SLC30A8: variants seen among roughly 807,000 people sequenced by gnomAD.
The protein encoded by SLC30A8 is solute carrier family 30 member 8, also known as proton-coupled zinc antiporter SLC30A8.
Under a neutral mutation model 36.9 loss-of-function variants are expected in SLC30A8, and 27 were observed. The observed-to-expected ratio is 0.73, with a 90% CI of 0.54 to 1.01. The LOEUF is 1.01. SLC30A8 is among the 50% of genes least tolerant of loss of function. The pLI is 0.00. For missense variants in SLC30A8, 439 were observed against 452.0 expected (o/e 0.97, Z 0.26); for synonymous variants, 164 against 172.4 (o/e 0.95, Z 0.38).
At chr8:117,099,216 G>A (rs1283235664) in intron 2 of SLC30A8, among the ~76,000 whole-genome samples, 2 of 151,982 alleles carry the variant, frequency 1.3e-5, no homozygotes, top group Non-Finnish European at 2.9e-5. Flanking sequence ...CTGTCCTGAG[G>A]GCATTTGCAC....
Position 117,135,296 on chromosome 8 carries a change from GACA to G in SLC30A8, c.-25_-23del, listed in dbSNP as rs772990341. 7.1e-6 allele frequency: 11 copies of G among 1,553,028 alleles called. No individual in the cohort carries two copies. Among genetic ancestry groups the G allele is most frequent in the Middle Eastern group, 1.7e-4 (1 of 5,862 alleles). ...ACTGGGCAGTGAGTTCAACAACAAC[GACA>G]ACAACAGCCGCAGCTCATCCTGGCC... On this transcript the variant is annotated 5_prime_UTR_variant, in exon 1 of 8. Transcript: ENST00000456015.
chr8:117,133,053 A>G (rs1234739559), upstream of SLC30A8, among the ~76,000 whole-genome samples: 4 of 152,132 alleles, frequency 2.6e-5, no homozygotes, highest in East Asian at 7.8e-4. Context: ...GTACATTTTT[A>G]TTAGTAAATG....
In SLC30A8 at chr8:117,164,407, AC is replaced by A. The variant is rs1366613696; in HGVS notation, c.829+878del. On this transcript the variant is annotated intron_variant, in intron 6 of 7. Coordinates refer to ENST00000456015, the MANE Select transcript of SLC30A8 (RefSeq NM_173851.3). ...GGCAACATGGCAAAACCTCGTCTCA[AC>A]AAAAAAATGCAAAATATTACCTGGG... Among the ~76,000 whole-genome samples, 6 of 141,128 alleles carry A rather than the reference AC, an allele frequency of 4.3e-5. No individual in the cohort carries two copies. In the East Asian group the frequency reaches 1.3e-3, roughly 32 times the overall value. The allele number at this position is 141,128 out of a possible 152,430, so 92.6% of individuals were successfully genotyped here.
chr8:117,107,594 G>A (rs1337678959), intron 2 of SLC30A8, among the ~76,000 whole-genome samples: 1 of 151,980 alleles, frequency 6.6e-6, no homozygotes, highest in African/African-American at 2.4e-5. Context: ...TATTATTTGG[G>A]GCCAGACATC....
chr8:117,001,641 A>G (rs1816014468), intron 1 of SLC30A8, among the ~76,000 whole-genome samples: 1 of 152,130 alleles, frequency 6.6e-6, no homozygotes, highest in South Asian at 2.1e-4. Flanking sequence ...AAGCTTTGAA[A>G]CTGGGCTAAG....
At chr8:117,054,381 A>C (rs1417951761) in intron 2 of SLC30A8, among the ~76,000 whole-genome samples, 2 of 152,170 alleles carry the variant, frequency 1.3e-5, no homozygotes, top group East Asian at 3.8e-4. Flanking sequence ...GATTACAGGC[A>C]TGAGCCACTG....
At chr8:117,089,077 A>T (rs190150861) in intron 2 of SLC30A8, among the ~76,000 whole-genome samples, 18 of 152,268 alleles carry the variant, frequency 1.2e-4, no homozygotes, top group Admixed American at 1.2e-3. Context: ...TTTCTGTGAC[A>T]TTACACTCTT....
rs201746609 is a variant in SLC30A8, at chr8:117,060,945, G to GT, written c.-226+21696dup. The stretch of plus-strand genomic sequence containing the variant: ...ACATATTTCTCTATGCTTGTCTTCT[G>GT]TTTTTTTTTCTTTCTCTACGTTTGA... On this transcript the variant is annotated intron_variant, in intron 2 of 10. Coordinates refer to the SLC30A8 transcript ENST00000427715. 1.6e-3 allele frequency among the ~76,000 whole-genome samples: 237 copies of GT among 150,472 alleles called. 1 individual carries two copies. The highest frequency in any genetic ancestry group is 4.6e-3 in the African/African-American group (190 of 41,032).
intron 2 of SLC30A8, among the ~76,000 whole-genome samples, chr8:117,109,609 A>G (rs559619420): frequency 6.6e-6 from 1 of 152,330 alleles, no homozygotes; most frequent in Non-Finnish European, 1.5e-5. Context: ...TTTTGGCTGG[A>G]AAGTTGTTTG....
At position 117,029,056 on chromosome 8, in the gene SLC30A8, T is replaced by G. The variant is rs372410638; in HGVS notation, c.-265-10163T>G. On this transcript the variant is annotated intron_variant, in intron 1 of 10. Transcript: ENST00000427715. ...TTTAAGGAGATACCACTAACAAGGC[T>G]AAGTAAAGGTAAAACTTCTGTTTCC... 7.9e-5 allele frequency among the ~76,000 whole-genome samples: 12 copies of G among 152,262 alleles called. No homozygotes were observed. In the South Asian group the frequency reaches 2.5e-3, roughly 32 times the overall value.
At chr8:117,077,788 A>G (rs1159983759) in intron 2 of SLC30A8, among the ~76,000 whole-genome samples, 1 of 152,222 alleles carries the variant, frequency 6.6e-6, no homozygotes, top group African/African-American at 2.4e-5. Flanking sequence ...CTAGAAACCA[A>G]TTGTTCAGAT....
Position 117,097,736 on chromosome 8 carries a change from A to T in SLC30A8, c.-225-37544A>T, listed in dbSNP as rs1325749028. Among the ~76,000 whole-genome samples the T allele has an allele frequency of 6.7e-4, 35 of 51,934 alleles. 2 individuals carry two copies. The highest frequency in any genetic ancestry group is 4.0e-3 in the African/African-American group (33 of 8,254). 34.1% of individuals were successfully genotyped at this position (51,934 alleles called of 152,430 possible). On this transcript the variant is annotated intron_variant, in intron 2 of 10. Transcript: ENST00000427715. ...TAATATATATTATATATAATATATAATTTTAAATAATATATATTATATATA... is the reference window on the plus strand; with the variant it reads ...TAATATATATTATATATAATATATATTTTTAAATAATATATATTATATATA...
chr8:117,169,932 C>CAAACT (rs1192213126), intron 6 of SLC30A8, among the ~76,000 whole-genome samples: 2 of 152,088 alleles, frequency 1.3e-5, no homozygotes, highest in Non-Finnish European at 2.9e-5. Context: ...GATAAATATG[C>CAAACT]AAACTATATC....
intron 1 of SLC30A8, among the ~76,000 whole-genome samples, chr8:117,023,198 T>A (rs535169402): frequency 9.3e-4 from 141 of 152,224 alleles, no homozygotes; most frequent in African/African-American, 3.2e-3. Context: ...TTAGAATGGC[T>A]ATCATTAAAA....
chr8:117,111,935 G>C (rs1820244853), intron 2 of SLC30A8, among the ~76,000 whole-genome samples: 1 of 152,024 alleles, frequency 6.6e-6, no homozygotes, highest in African/African-American at 2.4e-5. Flanking sequence ...GAAATGTCTA[G>C]AAAACAAGGC....
intron 1 of SLC30A8, among the ~76,000 whole-genome samples, chr8:117,138,100 C>T (rs1333150296): frequency 7.0e-6 from 1 of 142,952 alleles, no homozygotes; most frequent in Non-Finnish European, 1.5e-5. Flanking sequence ...AAAAAAAAGT[C>T]GTGTAAAGTT....
At chr8:116,954,804 T>C (rs1814131486) in intron 1 of SLC30A8, among the ~76,000 whole-genome samples, 1 of 152,200 alleles carries the variant, frequency 6.6e-6, no homozygotes, top group Non-Finnish European at 1.5e-5. Flanking sequence ...TTGAGTGTGC[T>C]TAAATGTTAA....
At chr8:117,085,393 T>C (rs1427310070) in intron 2 of SLC30A8, among the ~76,000 whole-genome samples, 1 of 152,174 alleles carries the variant, frequency 6.6e-6, no homozygotes, top group Non-Finnish European at 1.5e-5. Flanking sequence ...ATAAAAATTG[T>C]AGAAATTACT....
At chr8:117,137,868 T>C (rs1821433178) in intron 1 of SLC30A8, among the ~76,000 whole-genome samples, 1 of 151,860 alleles carries the variant, frequency 6.6e-6, no homozygotes, top group African/African-American at 2.4e-5. Context: ...GGTGAGGCAA[T>C]AGATTCTATC....
Sources: allele counts gnomAD v4.1 joint callset (sites outside exome capture counted in the v4.1 genomes callset), GRCh38; gene constraint gnomAD v4.1.1; transcripts MANE v1.5; gene names NCBI Gene and HGNC (gene_info 2026-07-23, HGNC 2026-07-21).